Variants in CDK14 observed in about 807,000 individuals in gnomAD.
CDK14 encodes cyclin dependent kinase 14, also known as cyclin-dependent kinase 14.
In CDK14, 34 loss-of-function variants were observed where a neutral mutation model predicts 60.7. The ratio of observed to expected loss-of-function variants is 0.56; its 90% CI spans 0.43 to 0.75. The LOEUF is 0.75. CDK14 is among the 30% of genes least tolerant of loss of function. CDK14 has a pLI of 0.00. For synonymous variants in CDK14, 197 were observed against 203.7 expected, an observed-to-expected ratio of 0.97 and a Z score of 0.28; for missense variants, 482 against 564.1, an observed-to-expected ratio of 0.85 and a Z score of 1.47.
At chr7:90,693,364 A>C (rs1388949729) in intron 2 of CDK14, among the ~76,000 whole-genome samples, 1 of 152,210 alleles carries the variant, frequency 6.6e-6, no homozygotes, top group Admixed American at 6.5e-5. Context: ...ATTTGAATGA[A>C]GCTTGCCAAG....
rs543595939 is a variant in CDK14, at chr7:90,966,382, T to G, written c.947+10565T>G. 2.0e-5 allele frequency among the ~76,000 whole-genome samples: 3 copies of G among 152,240 alleles called. No homozygotes were observed. The South Asian group carries it at 6.2e-4, about 32-fold the overall frequency. ...CACTTAGAAGGGCCCAATTAACCGG[T>G]CAGTTCATTGTATATTGTTCATGCA... is the stretch of plus-strand genomic sequence containing the variant. On this transcript the variant is annotated intron_variant, in intron 9 of 14. Coordinates refer to ENST00000380050, the MANE Select transcript of CDK14 (RefSeq NM_001287135.2).
chr7:90,848,657 T>C (rs1487509594), intron 5 of CDK14, among the ~76,000 whole-genome samples: 1 of 152,154 alleles, frequency 6.6e-6, no homozygotes, highest in Non-Finnish European at 1.5e-5. Context: ...ACATCCCAAA[T>C]TGGATGATTT....
intron 14 of CDK14, among the ~76,000 whole-genome samples, chr7:91,198,879 A>G (rs1180345586): frequency 1.3e-5 from 2 of 152,230 alleles, no homozygotes; most frequent in African/African-American, 2.4e-5. Context: ...GTAGAGTCAC[A>G]TCTCCTCTAA....
chr7:90,598,024 C>T (rs543556382), intron 1 of CDK14, among the ~76,000 whole-genome samples: 15 of 152,208 alleles, frequency 9.9e-5, no homozygotes, highest in Middle Eastern at 3.4e-3. Context: ...AAGTTTGAAG[C>T]CAAGAAGAGT....
intron 6 of CDK14, among the ~76,000 whole-genome samples, chr7:90,886,915 T>G (rs1418250472): frequency 6.6e-6 from 1 of 152,078 alleles, no homozygotes; most frequent in African/African-American, 2.4e-5. Flanking sequence ...AAGCTAGTAG[T>G]AAAAAAAGAA....
intron 14 of CDK14, among the ~76,000 whole-genome samples, chr7:91,206,275 G>A (rs1484730764): frequency 6.6e-6 from 1 of 152,136 alleles, no homozygotes. Context: ...CACCATCCAG[G>A]GTTCCCCCTG....
chr7:90,663,333 G>A (rs1800901929), intron 2 of CDK14, among the ~76,000 whole-genome samples: 1 of 151,830 alleles, frequency 6.6e-6, no homozygotes, highest in Non-Finnish European at 1.5e-5. Context: ...GGATCACCCT[G>A]TCTTTCATAC....
chr7:90,726,317 T>C, intron 2 of CDK14: 1 of 983,594 alleles, frequency 1.0e-6, no homozygotes, highest in Non-Finnish European at 1.2e-6. Context: ...ACTAGCAGCC[T>C]GGGCCTTAAG....
chr7:90,800,923 T>C lies in CDK14; in HGVS notation c.544+10271T>C, dbSNP rs535297788. Among the ~76,000 whole-genome samples, 3 of 152,346 alleles carry C rather than the reference T, an allele frequency of 2.0e-5. No homozygotes were observed. In the South Asian group the frequency reaches 6.2e-4, roughly 32 times the overall value. On this transcript the variant is annotated intron_variant, in intron 5 of 14. Transcript: ENST00000380050. The stretch of plus-strand genomic sequence containing the variant: ...TTGGCTTATCGTTACATCACTTCGA[T>C]CTCTGCCTCCATCTTCACATGGTCT...
chr7:91,089,858 A>C (rs574500626), intron 12 of CDK14, among the ~76,000 whole-genome samples: 1 of 152,178 alleles, frequency 6.6e-6, no homozygotes, highest in Non-Finnish European at 1.5e-5. Context: ...AGATAAATAC[A>C]AATGGAATTT....
chr7:90,699,371 G>A (rs1262573125), intron 2 of CDK14, among the ~76,000 whole-genome samples: 2 of 152,134 alleles, frequency 1.3e-5, no homozygotes, highest in African/African-American at 2.4e-5. Flanking sequence ...TTGCAATAAC[G>A]CTTGCTTTAC....
chr7:91,131,700 G>T (rs1024585611), intron 14 of CDK14, among the ~76,000 whole-genome samples: 1 of 152,036 alleles, frequency 6.6e-6, no homozygotes, highest in Non-Finnish European at 1.5e-5. Flanking sequence ...GACAGCGTGT[G>T]GAATATATTT....
intron 5 of CDK14, among the ~76,000 whole-genome samples, chr7:90,835,781 A>T (rs1790075367): frequency 6.6e-6 from 1 of 152,196 alleles, no homozygotes; most frequent in Admixed American, 6.5e-5. Context: ...CCGTTAGGTG[A>T]TTCCATCTTT....
At chr7:91,021,055 G>A (rs1270107422) in intron 10 of CDK14, among the ~76,000 whole-genome samples, 2 of 152,110 alleles carry the variant, frequency 1.3e-5, no homozygotes, top group African/African-American at 2.4e-5. Context: ...CATACAGCAC[G>A]GCAACTTGCT....
At chr7:90,726,355 G>A in intron 2 of CDK14, 1 of 1,330,582 alleles carries the variant, frequency 7.5e-7, no homozygotes, top group Non-Finnish European at 9.7e-7. Flanking sequence ...AGATTTTTTA[G>A]TGTAAGCTCT....
chr7:90,805,930 T>C (rs1393279832), intron 5 of CDK14, among the ~76,000 whole-genome samples: 1 of 152,212 alleles, frequency 6.6e-6, no homozygotes, highest in Non-Finnish European at 1.5e-5. Flanking sequence ...CAGTATGTTA[T>C]AGTTGTGAAA....
intron 3 of CDK14, among the ~76,000 whole-genome samples, chr7:90,736,353 T>C (rs1248951540): frequency 1.4e-5 from 2 of 144,572 alleles, no homozygotes; most frequent in Admixed American, 6.9e-5. Flanking sequence ...TGTTTTTGTT[T>C]TTTTTTTTTT....
Position 90,596,414 on chromosome 7 carries a change from C to A in CDK14, c.-214C>A. The A allele has an allele frequency of 3.2e-6, 1 of 316,794 alleles. No homozygotes were observed. The highest frequency in any genetic ancestry group is 5.8e-6 in the Non-Finnish European group (1 of 173,518). 19.6% of individuals were successfully genotyped at this position (316,794 alleles called of 1,614,324 possible). A position where few individuals can be genotyped will look rare whatever the true frequency, so the allele number is the denominator to read the frequency against. On this transcript the variant is annotated 5_prime_UTR_variant, in exon 1 of 15. Coordinates refer to ENST00000380050, the MANE Select transcript of CDK14 (RefSeq NM_001287135.2). ...GCCGCCCCCGGCACCACGTAAACCG[C>A]CCCCGCCCGCCCAGCTGCGGCCCAG...
At chr7:91,059,875 T>C (rs1797721128) in intron 11 of CDK14, among the ~76,000 whole-genome samples, 1 of 152,268 alleles carries the variant, frequency 6.6e-6, no homozygotes, top group Non-Finnish European at 1.5e-5. Flanking sequence ...AAAGAATGTG[T>C]ATTCTGTTGA....
Sources: gnomAD v4.1 joint callset for allele counts (sites outside exome capture counted in the v4.1 genomes callset) on GRCh38, gnomAD v4.1.1 for gene constraint, MANE v1.5 for transcripts, NCBI Gene and HGNC (gene_info 2026-07-23, HGNC 2026-07-21) for gene names.